COL22A1: variants seen among roughly 807,000 people sequenced by gnomAD.
COL22A1 encodes collagen alpha-1(XXII) chain.
A neutral mutation model predicts 248.9 loss-of-function variants in COL22A1; 221 were observed. That is an observed-to-expected ratio of 0.89 (90% confidence interval 0.80 to 0.99). The LOEUF is 0.99. Among genes scored for constraint, COL22A1 ranks in the 50% least tolerant of loss-of-function variants. The probability of loss-of-function intolerance (pLI) is 0.00; values close to 1 mark genes in which losing one functional copy is unlikely to be tolerated. For synonymous variants in COL22A1, 891 were observed against 793.4 expected, an observed-to-expected ratio of 1.12 and a Z score of -2.07; for missense variants, 2,240 against 2,179.0, an observed-to-expected ratio of 1.03 and a Z score of -0.56.
intron 40 of COL22A1, among the ~76,000 whole-genome samples, chr8:138,679,296 T>C (rs1825789006): frequency 6.6e-6 from 1 of 152,240 alleles, no homozygotes; most frequent in South Asian, 2.1e-4. Flanking sequence ...CCTGTTATTC[T>C]TATTTTCTGT....
chr8:138,877,754 A>T lies in COL22A1; in HGVS notation c.654T>A (p.Cys218Ter). 6.3e-7 allele frequency: 1 copy of T among 1,579,090 alleles called. No homozygotes were observed. The highest frequency in any genetic ancestry group is 8.6e-7 in the Non-Finnish European group (1 of 1,160,758). The part of the protein sequence containing the change: ...KIRGKLRRRL[C>*]ENVLCPSVRV... Reference sequence around the variant, plus strand: ...ATGGGGCCCGGGCGCACTCACTTTCACAAAGACGGCGCCGCAGCTTGCCCC... The same window carrying T: ...ATGGGGCCCGGGCGCACTCACTTTCTCAAAGACGGCGCCGCAGCTTGCCCC... Residue 218 changes from cysteine to a stop codon, truncating the protein, a stop_gained, in exon 3 of 65, where the codon TGT (cysteine) becomes TGA (stop). Transcript: ENST00000303045. LOFTEE classifies it high-confidence loss of function.
intron 45 of COL22A1, among the ~76,000 whole-genome samples, chr8:138,653,967 G>T (rs78900671): frequency 6.6e-6 from 1 of 152,194 alleles, no homozygotes; most frequent in African/African-American, 2.4e-5. Flanking sequence ...TACCCTGCAC[G>T]TAGGCGCTTG....
chr8:138,670,604 G>GA (rs143942127), intron 41 of COL22A1, among the ~76,000 whole-genome samples: 8,728 of 151,648 alleles, frequency 0.058, 601 homozygotes, highest in African/African-American at 0.17. Context: ...ATGAATTAAA[G>GA]AAAAAAAACC....
At chr8:138,816,906 A>G (rs1818726372) in intron 7 of COL22A1, among the ~76,000 whole-genome samples, 1 of 152,178 alleles carries the variant, frequency 6.6e-6, no homozygotes, top group Non-Finnish European at 1.5e-5. Flanking sequence ...AATGGGTGTA[A>G]TACCCCCATG....
intron 3 of COL22A1, among the ~76,000 whole-genome samples, chr8:138,877,116 C>T (rs1466533628): frequency 6.6e-6 from 1 of 152,166 alleles, no homozygotes; most frequent in East Asian, 1.9e-4. Context: ...CTCCCCTCCC[C>T]CACCCCCAGC....
intron 4 of COL22A1, among the ~76,000 whole-genome samples, chr8:138,833,558 A>T (rs966695453): frequency 1.3e-5 from 2 of 152,206 alleles, no homozygotes; most frequent in Admixed American, 6.5e-5. Flanking sequence ...CTGCAGCCGT[A>T]TGTTTGCCTT....
At chr8:138,864,344 G>A (rs1822706706) in intron 3 of COL22A1, among the ~76,000 whole-genome samples, 2 of 151,808 alleles carry the variant, frequency 1.3e-5, no homozygotes, top group Admixed American at 1.3e-4. Flanking sequence ...TTATATATCA[G>A]GGGGTCCTCA....
At chr8:138,758,281 T>C (rs1833191648) in intron 18 of COL22A1, among the ~76,000 whole-genome samples, 1 of 152,218 alleles carries the variant, frequency 6.6e-6, no homozygotes, top group African/African-American at 2.4e-5. Flanking sequence ...CTTGTCTGCC[T>C]CTCAGGAGAG....
At chr8:138,800,375 A>G (rs2131619675) in intron 11 of COL22A1, among the ~76,000 whole-genome samples, 1 of 152,346 alleles carries the variant, frequency 6.6e-6, no homozygotes, top group South Asian at 2.1e-4. Context: ...CTCCAGACGC[A>G]GGAGGTGAAA....
chr8:138,777,186 A>G (rs1814544523), intron 15 of COL22A1, among the ~76,000 whole-genome samples: 1 of 152,178 alleles, frequency 6.6e-6, no homozygotes, highest in Admixed American at 6.5e-5. Flanking sequence ...AAGATGGTAG[A>G]GATAGCGGGT....
chr8:138,731,296 C>T (rs918767606), intron 23 of COL22A1, among the ~76,000 whole-genome samples: 2 of 151,882 alleles, frequency 1.3e-5, no homozygotes, highest in African/African-American at 2.4e-5. Context: ...AGCAAAACTC[C>T]GTCTCAAAAA....
At chr8:138,762,511 C>T in intron 16 of COL22A1, 45 bp from the exon 17 acceptor site, 1 of 1,587,990 alleles carries the variant, frequency 6.3e-7, no homozygotes, top group Non-Finnish European at 8.6e-7. Context: ...TTAGTGACCA[C>T]AGGCAGCAGC....
intron 46 of COL22A1, 77 bp from the exon 47 acceptor site, chr8:138,646,759 T>C (rs2130511765): frequency 9.5e-7 from 1 of 1,055,974 alleles, no homozygotes. Flanking sequence ...CACCATGCCA[T>C]CAGCCTCGTA....
chr8:138,660,911 C>T (rs1466479307), intron 43 of COL22A1, among the ~76,000 whole-genome samples: 7 of 146,524 alleles, frequency 4.8e-5, no homozygotes, highest in South Asian at 4.5e-4. Flanking sequence ...CACACACATA[C>T]ACAGACACAC....
intron 1 of COL22A1, among the ~76,000 whole-genome samples, chr8:138,898,223 T>A (rs1255316712): frequency 3.3e-5 from 5 of 152,178 alleles, no homozygotes. Context: ...CAGCCTCTGC[T>A]TCATCTGGGT....
At chr8:138,907,398 C>T (rs1815113020) in intron 1 of COL22A1, among the ~76,000 whole-genome samples, 1 of 152,314 alleles carries the variant, frequency 6.6e-6, no homozygotes, top group South Asian at 2.1e-4. Context: ...TGGAAGGGTA[C>T]AAGAAAAACC....
intron 6 of COL22A1, among the ~76,000 whole-genome samples, chr8:138,822,033 T>TTTTTGTTTTG (rs71316364): frequency 2.9e-3 from 430 of 150,166 alleles, no homozygotes; most frequent in Admixed American, 3.5e-3. Flanking sequence ...TACTTCCGAT[T>TTTTTGTTTTG]TTTTGTTTTG....
At chr8:138,804,888 G>A (rs373063354) in intron 10 of COL22A1, among the ~76,000 whole-genome samples, 2 of 149,098 alleles carry the variant, frequency 1.3e-5, no homozygotes, top group African/African-American at 4.9e-5. Flanking sequence ...GATGTGTGTG[G>A]TGGCTGTGTG....
At chr8:138,831,243 CGTTCAAAG>C (rs1440422780) in intron 5 of COL22A1, among the ~76,000 whole-genome samples, 8 of 152,096 alleles carry the variant, frequency 5.3e-5, no homozygotes, top group Admixed American at 2.6e-4. Context: ...TATGAGCTGG[CGTTCAAAG>C]CCAGTCTTTG....
Sources: allele counts gnomAD v4.1 joint callset (sites outside exome capture counted in the v4.1 genomes callset), GRCh38; gene constraint gnomAD v4.1.1; transcripts MANE v1.5; gene names NCBI Gene and HGNC (gene_info 2026-07-23, HGNC 2026-07-21).